Variants in PRRX2 observed in about 807,000 individuals in gnomAD.
The protein encoded by PRRX2 is paired related homeobox 2.
A neutral mutation model predicts 18.0 loss-of-function variants in PRRX2; 11 were observed. The ratio of observed to expected loss-of-function variants is 0.61; its 90% CI spans 0.39 to 1.01. The LOEUF is 1.01. Among genes scored for constraint, PRRX2 ranks in the 50% least tolerant of loss-of-function variants. PRRX2 has a pLI of 0.01. For missense variants in PRRX2, 387 were observed against 351.0 expected, an observed-to-expected ratio of 1.10 and a Z score of -0.82; for synonymous variants, 177 against 154.8, an observed-to-expected ratio of 1.14 and a Z score of -1.06.
At chr9:129,677,279 TGAA>T (rs1340536877) in intron 1 of PRRX2, among the ~76,000 whole-genome samples, 1 of 152,128 alleles carries the variant, frequency 6.6e-6, no homozygotes, top group Non-Finnish European at 1.5e-5. Context: ...ACGAGAGAGG[TGAA>T]GCTTTATCCT....
intron 1 of PRRX2, among the ~76,000 whole-genome samples, chr9:129,677,355 AG>A (rs1832172978): frequency 6.6e-6 from 1 of 152,228 alleles, no homozygotes; most frequent in Non-Finnish European, 1.5e-5. Context: ...GGAAATACGC[AG>A]TGATCCCCAG....
At chr9:129,679,393 T>C (rs1251952675) in intron 1 of PRRX2, among the ~76,000 whole-genome samples, 1 of 152,108 alleles carries the variant, frequency 6.6e-6, no homozygotes, top group East Asian at 1.9e-4. Flanking sequence ...GTCGGCCCCA[T>C]GATCCAAGAG....
At chr9:129,667,875 G>A (rs1832046891) in intron 1 of PRRX2, among the ~76,000 whole-genome samples, 1 of 152,188 alleles carries the variant, frequency 6.6e-6, no homozygotes, top group South Asian at 2.1e-4. Flanking sequence ...GCAGCTCCCT[G>A]GGGCTAGCCA....
intron 1 of PRRX2, among the ~76,000 whole-genome samples, chr9:129,684,307 G>C (rs1432669827): frequency 6.6e-6 from 1 of 152,028 alleles, no homozygotes; most frequent in Non-Finnish European, 1.5e-5. Flanking sequence ...TCCAGGGTGG[G>C]ACTTCAGGCA....
chr9:129,707,548 G>A (rs1325489216), intron 1 of PRRX2, among the ~76,000 whole-genome samples: 2 of 152,004 alleles, frequency 1.3e-5, no homozygotes, highest in Non-Finnish European at 2.9e-5. Flanking sequence ...TACTTTGGGA[G>A]GCCAAGGCTG....
In PRRX2 at chr9:129,720,693, C is replaced by T; in HGVS notation, c.545C>T (p.Ala182Val). The T allele has an allele frequency of 6.2e-7, 1 of 1,613,274 alleles. No individual in the cohort carries two copies. The highest frequency in any genetic ancestry group is 8.5e-7 in the Non-Finnish European group (1 of 1,179,808). The change falls in exon 3 of 4, where the codon GCC becomes GTC. Residue 182 changes from alanine to valine, a missense_variant. Physicochemically the swap from Ala to Val is moderately conservative, Grantham distance 64. Coordinates refer to ENST00000372469, the MANE Select transcript of PRRX2 (RefSeq NM_016307.4). The part of the protein sequence containing the change: ...ASLLKSYSQE[A>V]AIEQPVAPRP... ...CTGCTCAAGTCCTACAGCCAGGAGG[C>T]CGCCATCGAGCAGCCCGTGGCTCCC...
intron 1 of PRRX2, among the ~76,000 whole-genome samples, chr9:129,699,775 T>C (rs146045469): frequency 6.6e-6 from 1 of 152,302 alleles, no homozygotes; most frequent in African/African-American, 2.4e-5. Flanking sequence ...AATTCTTTCC[T>C]TGGGCACCTT....
chr9:129,712,758 C>A (rs1184728215), intron 1 of PRRX2: 1 of 152,160 alleles, frequency 6.6e-6, no homozygotes, highest in Non-Finnish European at 1.5e-5. Flanking sequence ...TGCTTTGTTT[C>A]AGTCTCAGGG....
chr9:129,665,729 GC>G lies in PRRX2; in HGVS notation c.-138del. The G allele has an allele frequency of 1.7e-6, 1 of 583,546 alleles. No individual in the cohort carries two copies. Among genetic ancestry groups the G allele is most frequent in the Non-Finnish European group, 2.2e-6 (1 of 459,712 alleles). The allele number at this position is 583,546 out of a possible 1,614,324, so 36.1% of individuals were successfully genotyped here. A position where few individuals can be genotyped will look rare whatever the true frequency, so the allele number is the denominator to read the frequency against. ...TTTGTTTCCCCGACGTCAGCGCCGGGCGGGCCGCGAGGCTAGGAGGCGGCGG... is the reference window on the plus strand; with the variant it reads ...TTTGTTTCCCCGACGTCAGCGCCGGGGGGCCGCGAGGCTAGGAGGCGGCGG... On this transcript the variant is annotated 5_prime_UTR_variant, in exon 1 of 4. Transcript: ENST00000372469. This position sits in a 1 kb window ranked among gnomAD's most constrained non-coding sequence, Gnocchi z 5.3.
intron 1 of PRRX2, among the ~76,000 whole-genome samples, chr9:129,711,308 C>T (rs997099719): frequency 5.3e-5 from 8 of 151,450 alleles, no homozygotes; most frequent in Non-Finnish European, 1.0e-4. Context: ...TTTCCTCCTA[C>T]GTAAAATGGA....
In PRRX2 at chr9:129,675,290, C is replaced by T. The variant is rs1417999136; in HGVS notation, c.259+9164C>T. On this transcript the variant is annotated intron_variant, in intron 1 of 3. Transcript: ENST00000372469. The surrounding 1 kb of genome is among the most constrained non-coding windows in gnomAD (Gnocchi z 4.4). ...CGACCATCCACCAGCATCCATTGAG[C>T]ACCTACTGAGTACCAGCCCAAGGCA... Among the ~76,000 whole-genome samples, 2 of 152,194 alleles carry T rather than the reference C, an allele frequency of 1.3e-5. No homozygotes were observed. The highest frequency in any genetic ancestry group is 2.9e-5 in the Non-Finnish European group (2 of 68,016).
chr9:129,714,596 C>T (rs370854832), intron 1 of PRRX2, among the ~76,000 whole-genome samples: 12 of 152,112 alleles, frequency 7.9e-5, no homozygotes, highest in Admixed American at 1.3e-4. Flanking sequence ...GCAGTGAGGA[C>T]GCCAGCCAGT....
chr9:129,699,618 C>T (rs1001299870), intron 1 of PRRX2, among the ~76,000 whole-genome samples: 3 of 152,116 alleles, frequency 2.0e-5, no homozygotes, highest in Non-Finnish European at 4.4e-5. Flanking sequence ...AGCCAAAATC[C>T]ATTCATTCAT....
chr9:129,690,404 C>T (rs1232078421), intron 1 of PRRX2, among the ~76,000 whole-genome samples: 3 of 152,090 alleles, frequency 2.0e-5, no homozygotes, highest in African/African-American at 4.8e-5. Context: ...TCAAGGTACC[C>T]AGGATCTGGA....
intron 3 of PRRX2, among the ~76,000 whole-genome samples, chr9:129,721,515 CCCT>C (rs1832791840): frequency 6.6e-6 from 1 of 152,062 alleles, no homozygotes; most frequent in Middle Eastern, 3.2e-3. Flanking sequence ...GTCCTCACCG[CCCT>C]CCTAACTTCC....
chr9:129,704,183 T>C (rs1015275497), intron 1 of PRRX2, among the ~76,000 whole-genome samples: 2 of 152,316 alleles, frequency 1.3e-5, no homozygotes, highest in African/African-American at 4.8e-5. Context: ...GGGGGGTTCA[T>C]GATTAAAGTG....
intron 1 of PRRX2, among the ~76,000 whole-genome samples, chr9:129,685,758 G>A (rs1832292789): frequency 6.6e-6 from 1 of 152,232 alleles, no homozygotes. Context: ...AAAGACTTAA[G>A]GGCGTGGTTT....
intron 1 of PRRX2, among the ~76,000 whole-genome samples, chr9:129,685,523 C>A (rs868548720): frequency 6.6e-6 from 1 of 152,106 alleles, no homozygotes; most frequent in South Asian, 2.1e-4. Flanking sequence ...CCACCCCCAC[C>A]TGGCTAATTC....
intron 1 of PRRX2, among the ~76,000 whole-genome samples, chr9:129,708,436 C>T (rs1314707361): frequency 6.6e-6 from 1 of 152,206 alleles, no homozygotes; most frequent in Non-Finnish European, 1.5e-5. Context: ...TTTTGAGCGT[C>T]TTTCTGCCTA....
Sources: gnomAD v4.1 joint callset for allele counts (sites outside exome capture counted in the v4.1 genomes callset) on GRCh38, gnomAD v4.1.1 for gene constraint, Gnocchi (gnomAD v3.1) non-coding constraint, MANE v1.5 for transcripts, NCBI Gene and HGNC (gene_info 2026-07-23, HGNC 2026-07-21) for gene names.